The following NLGN4X variants were observed in gnomAD, a reference collection of about 807,000 sequenced individuals.
The protein encoded by NLGN4X is neuroligin 4 X-linked.
In NLGN4X, 3 loss-of-function variants were observed where a neutral mutation model predicts 40.3. The observed-to-expected ratio is 0.07, with a 90% CI of 0.03 to 0.19. The LOEUF (loss-of-function observed/expected upper bound fraction) is 0.19, where lower values mean the gene tolerates loss of function less well. Among genes scored for constraint, NLGN4X ranks in the 10% least tolerant of loss-of-function variants. The probability of loss-of-function intolerance (pLI) is 1.00; values close to 1 mark genes in which losing one functional copy is unlikely to be tolerated. For missense variants in NLGN4X, 382 were observed against 708.3 expected (o/e 0.54, Z 5.23); for synonymous variants, 270 against 306.8 (o/e 0.88, Z 1.25).
intron 2 of NLGN4X, among the ~76,000 whole-genome samples, chrX:6,065,193 C>G (rs1274238511): frequency 1.0e-4 from 11 of 110,469 alleles, no homozygotes; most frequent in Non-Finnish European, 1.9e-5. Flanking sequence ...ACAAAATCAT[C>G]TGTACACCAA....
intron 2 of NLGN4X, among the ~76,000 whole-genome samples, chrX:6,114,354 T>C (rs2039222457): frequency 9.0e-6 from 1 of 111,551 alleles, no homozygotes; most frequent in Non-Finnish European, 1.9e-5. Flanking sequence ...CTGTTGTTTA[T>C]AATATAAGAT....
At chrX:6,054,496 T>G (rs1458088146) in intron 2 of NLGN4X, among the ~76,000 whole-genome samples, 2 of 110,551 alleles carry the variant, frequency 1.8e-5, no homozygotes, top group Non-Finnish European at 3.8e-5. Context: ...GGTGCATGCC[T>G]GTCAACCAAG....
intron 3 of NLGN4X, among the ~76,000 whole-genome samples, chrX:5,934,776 G>T (rs1050725080): frequency 1.8e-5 from 2 of 112,080 alleles, no homozygotes; most frequent in Non-Finnish European, 3.8e-5. Context: ...ATGCAGAAAG[G>T]GAACATAATA....
intron 2 of NLGN4X, among the ~76,000 whole-genome samples, chrX:6,116,556 T>G (rs2039306710): frequency 1.0e-5 from 1 of 96,506 alleles, no homozygotes; most frequent in Non-Finnish European, 2.1e-5. Flanking sequence ...CAGGTTCAAG[T>G]GATTCTTCGG....
Position 6,151,788 on chromosome X carries a change from G to A in NLGN4X, c.-305-17C>T. On this transcript the variant is annotated splice_polypyrimidine_tract_variant and intron_variant, in intron 1 of 5. Coordinates refer to ENST00000381095, the MANE Select transcript of NLGN4X (RefSeq NM_181332.3). ...CAAGGCAGCCTAAAAGAGGAAGAAA[G>A]CAGACAAGAATAATGAAGCCACACA... 3.1e-6 allele frequency: 1 copy of A among 323,846 alleles called. No homozygotes were observed. The highest frequency in any genetic ancestry group is 5.5e-6 in the Non-Finnish European group (1 of 182,130). 26.7% of individuals were successfully genotyped at this position (323,846 alleles called of 1,213,427 possible). A position where few individuals can be genotyped will look rare whatever the true frequency, so the allele number is the denominator to read the frequency against.
chrX:6,120,723 A>C (rs2039404697), intron 2 of NLGN4X, among the ~76,000 whole-genome samples: 1 of 112,171 alleles, frequency 8.9e-6, no homozygotes, highest in African/African-American at 3.2e-5. Flanking sequence ...TGTCCAGTAG[A>C]ACTCTGTTGA....
intron 3 of NLGN4X, among the ~76,000 whole-genome samples, chrX:5,975,063 G>T (rs1312468435): frequency 1.8e-5 from 2 of 111,697 alleles, no homozygotes; most frequent in Non-Finnish European, 3.8e-5. Context: ...TTGGGAGGGA[G>T]CAGGACTGCT....
At chrX:6,145,053 C>T (rs1456817033) in intron 2 of NLGN4X, among the ~76,000 whole-genome samples, 1 of 111,324 alleles carries the variant, frequency 9.0e-6, no homozygotes, top group African/African-American at 3.3e-5. Flanking sequence ...GGCATATAAT[C>T]GATGCTCAAA....
chrX:6,037,532 C>T (rs1325831610), intron 2 of NLGN4X, among the ~76,000 whole-genome samples: 1 of 110,691 alleles, frequency 9.0e-6, no homozygotes, highest in African/African-American at 3.3e-5. Flanking sequence ...GTGATCTTAT[C>T]TAAGCAAGAA....
chrX:6,228,176 C>G lies in NLGN4X; in HGVS notation c.-306+365G>C, dbSNP rs771778115. 2.7e-5 allele frequency among the ~76,000 whole-genome samples: 3 copies of G among 111,824 alleles called. No individual in the cohort carries two copies. In the East Asian group the frequency reaches 8.5e-4, roughly 32 times the overall value. ...CGCTACTTTGTAAACACATCACACA[C>G]GGCCCCAGAGCCGTTCAAATAGCTG... On this transcript the variant is annotated intron_variant, in intron 1 of 5. Coordinates refer to ENST00000381095, the MANE Select transcript of NLGN4X (RefSeq NM_181332.3).
At chrX:5,925,928 A>G (rs1168752277) in intron 3 of NLGN4X, among the ~76,000 whole-genome samples, 2 of 55,479 alleles carry the variant, frequency 3.6e-5, no homozygotes, top group Admixed American at 2.3e-4. Context: ...ATATATATAT[A>G]TATAAACCTG....
At position 5,890,911 on chromosome X, in the gene NLGN4X, G is replaced by A; in HGVS notation, c.*1906C>T. On this transcript the variant is annotated 3_prime_UTR_variant, in exon 6 of 6. Transcript: ENST00000381095. ...TGAGTGTAGGGATTCAGTAATCAAA[G>A]GTTGTTATTGCAAAAGAGCCAGGCA... 1 of 323,079 alleles carries A rather than the reference G, an allele frequency of 3.1e-6. No homozygotes were observed. The highest frequency in any genetic ancestry group is 6.0e-6 in the Non-Finnish European group (1 of 167,929). 26.6% of individuals were successfully genotyped at this position (323,079 alleles called of 1,213,427 possible).
chrX:6,012,262 C>T (rs1172306725), intron 3 of NLGN4X, among the ~76,000 whole-genome samples: 18 of 112,309 alleles, frequency 1.6e-4, no homozygotes, highest in African/African-American at 5.2e-4. Flanking sequence ...TTGTGGCCAA[C>T]GGGGAAAAAC....
Position 6,151,035 on chromosome X carries a change from T to G in NLGN4X, c.432A>C (p.Glu144Asp). ...CGTAGATGTTTAAGTAAAGGCAGTC[T>G]TCATTTTGATCTTGAACATAGGTCA... ...TLMTYVQDQN[E>D]DCLYLNIYVP... The change falls in exon 2 of 6, where the codon GAA (glutamate) becomes GAC (aspartate). Residue 144 changes from glutamate (E) to aspartate (D), a missense_variant. By Grantham distance (45) the Glu-to-Asp change is conservative. Around this residue, in one of 5 missense-constraint regions of NLGN4X, gnomAD observed 115 missense variants for 149.6 expected, o/e 0.77. Transcript: ENST00000381095. 1 of 1,211,958 alleles carries G rather than the reference T, an allele frequency of 8.3e-7. No homozygotes were observed. The highest frequency in any genetic ancestry group is 1.1e-6 in the Non-Finnish European group (1 of 895,448).
intron 2 of NLGN4X, among the ~76,000 whole-genome samples, chrX:6,083,002 G>C (rs1344308775): frequency 1.1e-5 from 1 of 90,949 alleles, no homozygotes; most frequent in Non-Finnish European, 2.1e-5. Flanking sequence ...CTGTCGCCCA[G>C]GCTGGAGTGC....
At chrX:6,082,975 T>TC (rs2038400957) in intron 2 of NLGN4X, among the ~76,000 whole-genome samples, 1 of 87,294 alleles carries the variant, frequency 1.1e-5, no homozygotes, top group South Asian at 5.8e-4. Context: ...TTTTTTTTTT[T>TC]TTGAGACGGA....
chrX:5,925,879 CACAT>C (rs1170906577), intron 3 of NLGN4X, among the ~76,000 whole-genome samples: 571 of 46,751 alleles, frequency 0.012, 58 homozygotes, highest in East Asian at 0.047. Context: ...TATACATACA[CACAT>C]ATATATATAT....
intron 1 of NLGN4X, among the ~76,000 whole-genome samples, chrX:6,164,798 A>G (rs992974085): frequency 1.8e-5 from 2 of 111,414 alleles, no homozygotes; most frequent in African/African-American, 3.3e-5. Flanking sequence ...CACAGATCCT[A>G]TTTGCTAAGG....
chrX:5,906,860 C>T (rs1217007784), intron 4 of NLGN4X, among the ~76,000 whole-genome samples: 4 of 110,907 alleles, frequency 3.6e-5, no homozygotes, highest in African/African-American at 1.3e-4. Context: ...GGGTGGGCCA[C>T]TTGAGGTCAG....
Sources: gnomAD v4.1 joint callset for allele counts (sites outside exome capture counted in the v4.1 genomes callset) on GRCh38, gnomAD v4.1.1 for gene constraint, gnomAD v4.1.1 regional missense constraint, MANE v1.5 for transcripts, NCBI Gene and HGNC (gene_info 2026-07-23, HGNC 2026-07-21) for gene names.